TRIM2: variants seen among roughly 807,000 people sequenced by gnomAD.
TRIM2 encodes tripartite motif-containing protein 2.
A neutral mutation model predicts 75.2 loss-of-function variants in TRIM2; 20 were observed. The observed-to-expected ratio is 0.27, with a 90% CI of 0.19 to 0.39. The LOEUF (loss-of-function observed/expected upper bound fraction) is 0.39. Among genes scored for constraint, TRIM2 ranks in the 10% least tolerant of loss-of-function variants. The pLI is 1.00. For synonymous variants in TRIM2, 373 were observed against 388.3 expected, an observed-to-expected ratio of 0.96 and a Z score of 0.46; for missense variants, 660 against 990.8, an observed-to-expected ratio of 0.67 and a Z score of 4.48.
intron 1 of TRIM2, among the ~76,000 whole-genome samples, chr4:153,162,550 G>T (rs149430464): frequency 6.6e-6 from 1 of 152,184 alleles, no homozygotes; most frequent in South Asian, 2.1e-4. Context: ...CTTCTTTACT[G>T]ATGAAAACGC....
At chr4:153,209,053 C>G (rs915432860) in intron 1 of TRIM2, among the ~76,000 whole-genome samples, 2 of 152,074 alleles carry the variant, frequency 1.3e-5, no homozygotes, top group African/African-American at 4.8e-5. Context: ...TATGAAAAAC[C>G]CTGGGAAAAC....
rs759787004 is a variant in TRIM2, at chr4:153,290,335, A to G, written c.454-2647A>G. Among the ~76,000 whole-genome samples, 5 of 152,238 alleles carry G rather than the reference A, an allele frequency of 3.3e-5. 1 individual carries two copies. Among genetic ancestry groups the G allele is most frequent in the Admixed American group, 6.5e-5 (1 of 15,288 alleles). On this transcript the variant is annotated intron_variant, in intron 3 of 11. Transcript: ENST00000338700. ...CCAAGCATTTGCTGACACTGCGTAT[A>G]GTTTTAGATCGTTCTATTTCCTGAA...
At chr4:153,243,994 T>A (rs1002415112) in intron 1 of TRIM2, among the ~76,000 whole-genome samples, 21 of 151,758 alleles carry the variant, frequency 1.4e-4, no homozygotes, top group Non-Finnish European at 2.2e-4. Context: ...AATTTCTAAA[T>A]TTTTTTGTAG....
intron 3 of TRIM2, among the ~76,000 whole-genome samples, chr4:153,278,052 A>G (rs1560937007): frequency 6.6e-6 from 1 of 152,202 alleles, no homozygotes; most frequent in Non-Finnish European, 1.5e-5. Flanking sequence ...GTGACTTGAT[A>G]GAGGAGTAAA....
At chr4:153,314,312 T>C (rs1023582404) in intron 6 of TRIM2, among the ~76,000 whole-genome samples, 1 of 145,338 alleles carries the variant, frequency 6.9e-6, no homozygotes, top group East Asian at 2.0e-4. Context: ...CCCAGCTACT[T>C]GGGAGGCTGA....
At chr4:153,306,501 T>C (rs559819203) in intron 6 of TRIM2, among the ~76,000 whole-genome samples, 42 of 152,286 alleles carry the variant, frequency 2.8e-4, no homozygotes, top group African/African-American at 9.4e-4. Flanking sequence ...AGACATCAAT[T>C]TGGAAGCAAA....
intron 2 of TRIM2, among the ~76,000 whole-genome samples, chr4:153,272,215 C>T (rs1190259705): frequency 3.3e-5 from 5 of 152,120 alleles, no homozygotes; most frequent in East Asian, 1.9e-4. Flanking sequence ...GTGGCGCAAA[C>T]TCAGCTCACT....
At chr4:153,316,491 A>G (rs1767612030) in intron 8 of TRIM2, among the ~76,000 whole-genome samples, 3 of 152,212 alleles carry the variant, frequency 2.0e-5, no homozygotes, top group African/African-American at 7.2e-5. Context: ...CAAACACAAG[A>G]AATGACAGAA....
At chr4:153,303,140 A>G (rs1421162394) in intron 6 of TRIM2, among the ~76,000 whole-genome samples, 1 of 152,140 alleles carries the variant, frequency 6.6e-6, no homozygotes, top group Non-Finnish European at 1.5e-5. Flanking sequence ...CTTTGACTAC[A>G]AATCAGTAGA....
intron 8 of TRIM2, among the ~76,000 whole-genome samples, chr4:153,316,542 A>G (rs1025623012): frequency 1.3e-5 from 2 of 152,236 alleles, no homozygotes; most frequent in Non-Finnish European, 2.9e-5. Flanking sequence ...ACATTGATAC[A>G]ATCTGAAAAC....
chr4:153,258,951 A>G (rs1191621265), intron 1 of TRIM2, among the ~76,000 whole-genome samples: 1 of 152,184 alleles, frequency 6.6e-6, no homozygotes, highest in East Asian at 1.9e-4. Flanking sequence ...GCACACAATG[A>G]GAAGTTTCAT....
At chr4:153,235,248 A>G (rs1158284797) in intron 1 of TRIM2, among the ~76,000 whole-genome samples, 1 of 152,082 alleles carries the variant, frequency 6.6e-6, no homozygotes, top group African/African-American at 2.4e-5. Context: ...GTTCCTCTGT[A>G]AAATGGGAAA....
In TRIM2 at chr4:153,270,399, G is replaced by A. The variant is rs1293116519; in HGVS notation, c.95G>A (p.Gly32Asp). 1.4e-5 allele frequency: 23 copies of A among 1,613,832 alleles called. No homozygotes were observed. Among genetic ancestry groups the A allele is most frequent in the Non-Finnish European group, 1.9e-5 (23 of 1,179,948 alleles). Residue 32 changes from glycine (G) to aspartate (D), a missense_variant, in exon 2 of 12, where the codon GGC becomes GAC. Coordinates refer to ENST00000338700, the MANE Select transcript of TRIM2 (RefSeq NM_015271.5). ...PCQWSRMASE[G>D]TNIPSPVVRQ... The stretch of plus-strand genomic sequence containing the variant: ...CAGTGGTCTAGGATGGCCAGTGAAG[G>A]CACCAACATCCCAAGTCCTGTGGTG...
intron 1 of TRIM2, among the ~76,000 whole-genome samples, chr4:153,221,963 G>T (rs1740418729): frequency 1.4e-4 from 3 of 20,784 alleles, no homozygotes; most frequent in African/African-American, 1.3e-3. Flanking sequence ...AAGGAAAGAG[G>T]GAGGAAGGGA....
Position 153,304,988 on chromosome 4 carries a change from A to G in TRIM2, c.1510+8952A>G, listed in dbSNP as rs190576362. 2.4e-4 allele frequency among the ~76,000 whole-genome samples: 37 copies of G among 152,346 alleles called. No individual in the cohort carries two copies. In the East Asian group the frequency reaches 6.9e-3, roughly 29 times the overall value. On this transcript the variant is annotated intron_variant, in intron 6 of 11. Coordinates refer to ENST00000338700, the MANE Select transcript of TRIM2 (RefSeq NM_015271.5). Reference sequence around the variant, plus strand: ...GAGATGATTAAGAAGCTTTTGCAGTAGTCCACATGAGCTATTATAAGGGCC... The same window carrying G: ...GAGATGATTAAGAAGCTTTTGCAGTGGTCCACATGAGCTATTATAAGGGCC...
intron 6 of TRIM2, among the ~76,000 whole-genome samples, chr4:153,305,941 C>A (rs893234149): frequency 6.6e-6 from 1 of 152,134 alleles, no homozygotes; most frequent in African/African-American, 2.4e-5. Flanking sequence ...TTGAGACCAG[C>A]CTGACCAACA....
intron 1 of TRIM2, among the ~76,000 whole-genome samples, chr4:153,240,194 A>C (rs1746192099): frequency 6.6e-6 from 1 of 152,184 alleles, no homozygotes; most frequent in Admixed American, 6.5e-5. Flanking sequence ...TATCATACTC[A>C]TACCCACAAT....
rs7680940 is a variant in TRIM2, at chr4:153,214,090, T to C, written c.30+9530T>C. On this transcript the variant is annotated intron_variant, in intron 1 of 11. Coordinates refer to ENST00000338700, the MANE Select transcript of TRIM2 (RefSeq NM_015271.5). ...ATATCTGTGACCACACCTCTGATTG[T>C]ACCTCAAGAAGAAAGATTTTTAAAG... is the stretch of plus-strand genomic sequence containing the variant. 8.1e-3 allele frequency among the ~76,000 whole-genome samples: 1,236 copies of C among 152,286 alleles called. 13 individuals are homozygous for C. Among genetic ancestry groups the C allele is most frequent in the African/African-American group, 0.028 (1,178 of 41,570 alleles).
At chr4:153,216,186 C>G (rs969844042) in intron 1 of TRIM2, among the ~76,000 whole-genome samples, 1 of 152,124 alleles carries the variant, frequency 6.6e-6, no homozygotes. Context: ...TGACCTGGAG[C>G]CTCTATTGAG....
Sources: allele counts gnomAD v4.1 joint callset (sites outside exome capture counted in the v4.1 genomes callset), GRCh38; gene constraint gnomAD v4.1.1; transcripts MANE v1.5; gene names NCBI Gene and HGNC (gene_info 2026-07-23, HGNC 2026-07-21).